The following NCEH1 variants were observed in gnomAD, a reference collection of about 807,000 sequenced individuals.
The protein encoded by NCEH1 is neutral cholesterol ester hydrolase 1.
NCEH1 carries 9 observed loss-of-function variants against 25.4 expected under a neutral mutation model. The ratio of observed to expected loss-of-function variants is 0.35; its 90% CI spans 0.21 to 0.62. The LOEUF is 0.62. Ranked by LOEUF, NCEH1 falls within the 20% of genes least tolerant of loss-of-function variation. The pLI, the probability that NCEH1 is intolerant of heterozygous loss-of-function variation, is 0.72. For synonymous variants in NCEH1, 200 were observed against 199.8 expected (o/e 1.00, Z -0.01); for missense variants, 412 against 501.1 (o/e 0.82, Z 1.70).
At chr3:172,673,999 C>T (rs1308646883) in intron 1 of NCEH1, among the ~76,000 whole-genome samples, 1 of 152,174 alleles carries the variant, frequency 6.6e-6, no homozygotes, top group Non-Finnish European at 1.5e-5. Flanking sequence ...GGCAGAAAAG[C>T]TCTAAATTGG....
intron 1 of NCEH1, among the ~76,000 whole-genome samples, chr3:172,696,520 T>C (rs762962914): frequency 1.3e-5 from 2 of 152,242 alleles, no homozygotes; most frequent in Non-Finnish European, 2.9e-5. Flanking sequence ...TAAACCTTTA[T>C]TCACATATTG....
rs375020395 is a variant in NCEH1 at position 172,689,399 on chromosome 3, C to T, written c.138+21448G>A. Among the ~76,000 whole-genome samples, 323 of 151,554 alleles carry T rather than the reference C, an allele frequency of 2.1e-3. 2 individuals are homozygous for T. The highest frequency in any genetic ancestry group is 7.4e-3 in the African/African-American group (308 of 41,360). On this transcript the variant is annotated intron_variant, in intron 1 of 4. Transcript: ENST00000475381. ...TCAGCCTCCCAAGTAGCTGGGACTA[C>T]AAGCGCCCGCCTAATTTTTGTAGTT...
At chr3:172,701,526 T>G (rs1321666658) in intron 1 of NCEH1, among the ~76,000 whole-genome samples, 1 of 149,312 alleles carries the variant, frequency 6.7e-6, no homozygotes, top group Admixed American at 6.7e-5. Context: ...CTTGGCTGAC[T>G]GCAACCTCCA....
chr3:172,667,121 C>G (rs1718248102), intron 1 of NCEH1, among the ~76,000 whole-genome samples: 1 of 152,170 alleles, frequency 6.6e-6, no homozygotes, highest in African/African-American at 2.4e-5. Flanking sequence ...CTTGTGTAAA[C>G]AGGAGAGCTC....
intron 1 of NCEH1, among the ~76,000 whole-genome samples, chr3:172,693,008 C>A (rs931445099): frequency 6.6e-6 from 1 of 152,188 alleles, no homozygotes; most frequent in Admixed American, 6.5e-5. Context: ...GCCAGCACTT[C>A]CTCTGGGTTC....
intron 3 of NCEH1, among the ~76,000 whole-genome samples, chr3:172,644,070 T>C (rs1716992596): frequency 6.6e-6 from 1 of 152,098 alleles, no homozygotes. Flanking sequence ...TCCAGCTGTC[T>C]GGACTCTAGG....
chr3:172,709,946 G>C (rs1297612008), intron 1 of NCEH1, among the ~76,000 whole-genome samples: 1 of 152,190 alleles, frequency 6.6e-6, no homozygotes, highest in Non-Finnish European at 1.5e-5. Context: ...AGAGGGCTCA[G>C]CCTTGGCTGC....
Position 172,678,109 on chromosome 3 carries a change from G to A in NCEH1, c.139-29995C>T, listed in dbSNP as rs188751635. ...AAGATGAAAAGGTTTAAAAATCAGG[G>A]TAGGGAGGGGAAGTAGGTCATGAAA... On this transcript the variant is annotated intron_variant, in intron 1 of 4. Coordinates refer to ENST00000475381, the MANE Select transcript of NCEH1 (RefSeq NM_020792.6). Among the ~76,000 whole-genome samples, 65 of 152,330 alleles carry A rather than the reference G, an allele frequency of 4.3e-4. No individual in the cohort carries two copies. In the East Asian group the frequency reaches 0.012, roughly 28 times the overall value.
At chr3:172,697,651 A>G (rs570164941) in intron 1 of NCEH1, among the ~76,000 whole-genome samples, 4 of 152,192 alleles carry the variant, frequency 2.6e-5, no homozygotes, top group Non-Finnish European at 5.9e-5. Flanking sequence ...ACTAGCCACA[A>G]AAGAGCTGAG....
At chr3:172,672,633 C>T (rs2108513545) in intron 1 of NCEH1, among the ~76,000 whole-genome samples, 1 of 152,250 alleles carries the variant, frequency 6.6e-6, no homozygotes, top group South Asian at 2.1e-4. Context: ...GACCAAATAG[C>T]ACCTTAGAGA....
At chr3:172,653,752 G>GGTTT (rs1553830342) in intron 1 of NCEH1, among the ~76,000 whole-genome samples, 1 of 83,840 alleles carries the variant, frequency 1.2e-5, no homozygotes, top group African/African-American at 4.2e-5. Flanking sequence ...TTGTTTTTTT[G>GGTTT]TTTTTTTGTT....
intron 1 of NCEH1, among the ~76,000 whole-genome samples, chr3:172,662,183 G>C (rs958364864): frequency 1.3e-5 from 2 of 152,162 alleles, no homozygotes; most frequent in African/African-American, 4.8e-5. Flanking sequence ...CATGAAGGCT[G>C]TTGAATTTTG....
At position 172,686,234 on chromosome 3, in the gene NCEH1, C is replaced by T. The variant is rs1712686583; in HGVS notation, c.138+24613G>A. Among the ~76,000 whole-genome samples the T allele has an allele frequency of 2.0e-5, 3 of 152,198 alleles. No homozygotes were observed. In the South Asian group the frequency reaches 6.2e-4, roughly 31 times the overall value. The stretch of plus-strand genomic sequence containing the variant: ...TGAGTCCATCCTTGACATGAGTAAC[C>T]AATGTCCTGCTCTATATATTGGGGC... On this transcript the variant is annotated intron_variant, in intron 1 of 4. Transcript: ENST00000475381.
rs1422744832 is a variant in NCEH1 at position 172,630,558 on chromosome 3, AAAG to A, written c.*2914_*2916del. 1 of 152,256 alleles carries A rather than the reference AAAG, an allele frequency of 6.6e-6. No individual in the cohort carries two copies. Among genetic ancestry groups the A allele is most frequent in the East Asian group, 1.9e-4 (1 of 5,202 alleles). The allele number at this position is 152,256 out of a possible 1,614,324, so 9.4% of individuals were successfully genotyped here. A position where few individuals can be genotyped will look rare whatever the true frequency, so the allele number is the denominator to read the frequency against. Reference sequence around the variant, plus strand: ...GTACTCCACTGGGCAGAAGATTGGGAAAGAATTGTGGCTGGCAATTTGGCATAC... The same window carrying A: ...GTACTCCACTGGGCAGAAGATTGGGAAATTGTGGCTGGCAATTTGGCATAC... On this transcript the variant is annotated 3_prime_UTR_variant, in exon 5 of 5. Coordinates refer to ENST00000475381, the MANE Select transcript of NCEH1 (RefSeq NM_020792.6).
chr3:172,691,516 G>T (rs1713036685), intron 1 of NCEH1, among the ~76,000 whole-genome samples: 1 of 152,298 alleles, frequency 6.6e-6, no homozygotes, highest in Non-Finnish European at 1.5e-5. Flanking sequence ...GGTACTTTTA[G>T]GAGTTGTGCA....
chr3:172,674,798 T>C (rs1269710833), intron 1 of NCEH1, among the ~76,000 whole-genome samples: 2 of 152,248 alleles, frequency 1.3e-5, no homozygotes. Context: ...CTAATTGCCA[T>C]AATATTTTGC....
In NCEH1 at chr3:172,633,280, G is replaced by GT; in HGVS notation, c.*194dup. 6.6e-6 allele frequency: 4 copies of GT among 610,378 alleles called. No individual in the cohort carries two copies. Among genetic ancestry groups the GT allele is most frequent in the Non-Finnish European group, 1.1e-5 (4 of 351,542 alleles). 37.8% of individuals were successfully genotyped at this position (610,378 alleles called of 1,614,324 possible). On this transcript the variant is annotated 3_prime_UTR_variant, in exon 5 of 5. Transcript: ENST00000475381. ...CCCACTCTGGGAACCAAATTTACATGTTTTGCACTTAAGTTAGTCAAATTC... is the reference window on the plus strand; with the variant it reads ...CCCACTCTGGGAACCAAATTTACATGTTTTTGCACTTAAGTTAGTCAAATTC...
At chr3:172,677,195 G>T (rs1712056401) in intron 1 of NCEH1, among the ~76,000 whole-genome samples, 1 of 152,166 alleles carries the variant, frequency 6.6e-6, no homozygotes, top group Non-Finnish European at 1.5e-5. Flanking sequence ...TCACAAATGT[G>T]TTACACAGGA....
chr3:172,662,965 GTTCTGCTATGATC>G (rs1718037890), intron 1 of NCEH1, among the ~76,000 whole-genome samples: 1 of 152,102 alleles, frequency 6.6e-6, no homozygotes, highest in Non-Finnish European at 1.5e-5. Context: ...ATCTCCTTCA[GTTCTGCTATGATC>G]TTAGTTATTT....
Sources: gnomAD v4.1 joint callset for allele counts (sites outside exome capture counted in the v4.1 genomes callset) on GRCh38, gnomAD v4.1.1 for gene constraint, MANE v1.5 for transcripts, NCBI Gene and HGNC (gene_info 2026-07-23, HGNC 2026-07-21) for gene names.